Variants in ATXN7 observed in about 807,000 individuals in gnomAD.
ATXN7 encodes ataxin 7.
In ATXN7, 12 loss-of-function variants were observed where a neutral mutation model predicts 70.5. The ratio of observed to expected loss-of-function variants is 0.17; its 90% CI spans 0.11 to 0.28. The LOEUF is 0.28. Among genes scored for constraint, ATXN7 ranks in the 10% least tolerant of loss-of-function variants. The probability of loss-of-function intolerance (pLI) is 1.00; values close to 1 mark genes in which losing one functional copy is unlikely to be tolerated. For missense variants in ATXN7, 1,256 were observed against 1,131.7 expected (o/e 1.11, Z -1.58); for synonymous variants, 498 against 448.7 (o/e 1.11, Z -1.39).
rs1420384050 is a variant in ATXN7, at chr3:63,912,575, T to C, written c.-11-13T>C. The C allele has an allele frequency of 3.6e-6, 4 of 1,120,212 alleles. No individual in the cohort carries two copies. Among genetic ancestry groups the C allele is most frequent in the Non-Finnish European group, 4.4e-6 (4 of 903,234 alleles). 69.4% of individuals were successfully genotyped at this position (1,120,212 alleles called of 1,614,324 possible). On this transcript the variant is annotated splice_polypyrimidine_tract_variant and intron_variant, in intron 2 of 12. Coordinates refer to ENST00000674280, the MANE Select transcript of ATXN7 (RefSeq NM_001377405.1). ...CGCGCGACTCTTTCCCCCTTTTTTTTGTTACATTGTAGGAGCGGAAAGAAT... is the reference window on the plus strand; with the variant it reads ...CGCGCGACTCTTTCCCCCTTTTTTTCGTTACATTGTAGGAGCGGAAAGAAT...
At chr3:63,957,107 G>T (rs2075052709) in intron 5 of ATXN7, among the ~76,000 whole-genome samples, 1 of 152,226 alleles carries the variant, frequency 6.6e-6, no homozygotes, top group African/African-American at 2.4e-5. Flanking sequence ...TGTATACTGA[G>T]AGCTTCCCAG....
chr3:63,952,281 T>C, intron 4 of ATXN7, 98 bp from the exon 5 acceptor site: 1 of 778,250 alleles, frequency 1.3e-6, no homozygotes, highest in Non-Finnish European at 2.0e-6. Flanking sequence ...CCTGGTATAC[T>C]TTACAATAAG....
chr3:63,912,688 G>A lies in ATXN7; in HGVS notation c.90G>A (p.Gln30=). The part of the protein sequence containing the change: ...AGGAAAAAAR[Q]QQQQQQQQQP... ...GAGCAGCGGCCGCGGCCGCCCGGCA[G>A]CAGCAGCAGCAGCAGCAGCAGCAGC... Residue 30 remains glutamine, a synonymous_variant, in exon 3 of 13, where the codon CAG becomes CAA. Transcript: ENST00000674280. 2 of 1,093,748 alleles carry A rather than the reference G, an allele frequency of 1.8e-6. No homozygotes were observed. The highest frequency in any genetic ancestry group is 2.2e-6 in the Non-Finnish European group (2 of 894,840). 67.8% of individuals were successfully genotyped at this position (1,093,748 alleles called of 1,614,324 possible). A position where few individuals can be genotyped will look rare whatever the true frequency, so the allele number is the denominator to read the frequency against.
intron 6 of ATXN7, chr3:63,980,667 A>T (rs1417303748): frequency 6.2e-6 from 1 of 162,164 alleles, no homozygotes; most frequent in Non-Finnish European, 1.4e-5. Flanking sequence ...TATTTTAGTT[A>T]ATATATGTCT....
chr3:63,894,784 A>T (rs1293356124), intron 1 of ATXN7, among the ~76,000 whole-genome samples: 1 of 152,142 alleles, frequency 6.6e-6, no homozygotes, highest in Non-Finnish European at 1.5e-5. Flanking sequence ...TTGGCCTCCC[A>T]AAGTGCTAGG....
rs765685577 is a variant in ATXN7 at position 63,982,236 on chromosome 3, C to G, written c.803C>G (p.Thr268Arg). 2 of 1,614,140 alleles carry G rather than the reference C, an allele frequency of 1.2e-6. No individual in the cohort carries two copies. The highest frequency in any genetic ancestry group is 3.3e-5 in the Admixed American group (2 of 60,022). Residue 268 changes from threonine to arginine, a missense_variant, in exon 7 of 13, where the codon ACA becomes AGA. By Grantham distance (71) the Thr-to-Arg change is moderately conservative (BLOSUM62 -1). Transcript: ENST00000674280. ...VEKIHPKMDG[T>R]LLKSAVGPTC... ...AAGATTCATCCGAAAATGGATGGCA[C>G]ACTACTGAAATCTGCGGTGGGGCCA...
Position 63,864,002 on chromosome 3 carries a change from C to A in ATXN7, c.-267C>A. On this transcript the variant is annotated 5_prime_UTR_variant, in exon 1 of 13. Transcript: ENST00000674280. ...GCGGGACCCGCGCTCCCCGCGCTCC[C>A]GGTACTCCCCGGGGGCGGCCGCGGC... is the stretch of plus-strand genomic sequence containing the variant. 6.7e-6 allele frequency: 1 copy of A among 148,990 alleles called. No homozygotes were observed. Among genetic ancestry groups the A allele is most frequent in the South Asian group, 2.1e-4 (1 of 4,810 alleles). The allele number at this position is 148,990 out of a possible 1,614,324, so 9.2% of individuals were successfully genotyped here.
At chr3:63,996,852 C>T (rs1163597733) in intron 12 of ATXN7, among the ~76,000 whole-genome samples, 1 of 152,078 alleles carries the variant, frequency 6.6e-6, no homozygotes, top group African/African-American at 2.4e-5. Context: ...GTGTGCCATT[C>T]GAGGCTTTAA....
intron 2 of ATXN7, chr3:63,911,559 C>A (rs2107292208): frequency 6.6e-6 from 1 of 152,272 alleles, no homozygotes; most frequent in East Asian, 1.9e-4. Flanking sequence ...GAATGAATCA[C>A]TTCCAGAAAC....
At chr3:63,964,565 T>C (rs2075187687) in intron 5 of ATXN7, among the ~76,000 whole-genome samples, 1 of 152,198 alleles carries the variant, frequency 6.6e-6, no homozygotes, top group African/African-American at 2.4e-5. Context: ...TTGCCTGCCT[T>C]ACACACATGA....
chr3:63,878,224 T>C (rs144076238), intron 1 of ATXN7, among the ~76,000 whole-genome samples: 1 of 152,316 alleles, frequency 6.6e-6, no homozygotes, highest in East Asian at 1.9e-4. Context: ...AACTTGTTGG[T>C]ATTCAGTGTG....
chr3:63,889,920 T>C (rs1026397039), intron 1 of ATXN7, among the ~76,000 whole-genome samples: 1 of 152,242 alleles, frequency 6.6e-6, no homozygotes, highest in African/African-American at 2.4e-5. Context: ...AAAATCATCC[T>C]CTACTTACCA....
chr3:63,992,306 T>C (rs1357813144), intron 11 of ATXN7, among the ~76,000 whole-genome samples: 1 of 152,228 alleles, frequency 6.6e-6, no homozygotes, highest in African/African-American at 2.4e-5. Flanking sequence ...TGGTTCTTGC[T>C]GGATAAGAGG....
At chr3:63,927,090 G>A (rs772277773) in intron 4 of ATXN7, among the ~76,000 whole-genome samples, 15 of 152,206 alleles carry the variant, frequency 9.9e-5, no homozygotes, top group Non-Finnish European at 1.6e-4. Context: ...TTGGTTCCAA[G>A]TGTTGCTATT....
At chr3:63,922,431 C>T (rs1208581247) in intron 4 of ATXN7, among the ~76,000 whole-genome samples, 1 of 152,176 alleles carries the variant, frequency 6.6e-6, no homozygotes. Flanking sequence ...CTTTGACTTG[C>T]AGAGAGAAGC....
rs193922929 is a variant in ATXN7 at position 63,912,684 on chromosome 3, GGCAGCAGCAGCAGCAGCA to G, written c.101_118del (p.Gln34_Gln39del). Reference sequence around the variant, plus strand: ...GGCGGAGCAGCGGCCGCGGCCGCCCGGCAGCAGCAGCAGCAGCAGCAGCAGCAGCAGCCGCCGCCTCCG... The same window carrying G: ...GGCGGAGCAGCGGCCGCGGCCGCCCGGCAGCAGCAGCAGCCGCCGCCTCCG... On this transcript the variant is annotated inframe_deletion, in exon 3 of 13. Coordinates refer to ENST00000674280, the MANE Select transcript of ATXN7 (RefSeq NM_001377405.1). 9 of 1,087,150 alleles carry G rather than the reference GGCAGCAGCAGCAGCAGCA, an allele frequency of 8.3e-6. No homozygotes were observed. Among genetic ancestry groups the G allele is most frequent in the East Asian group, 7.0e-5 (1 of 14,380 alleles). The allele number at this position is 1,087,150 out of a possible 1,614,324, so 67.3% of individuals were successfully genotyped here. A position where few individuals can be genotyped will look rare whatever the true frequency, so the allele number is the denominator to read the frequency against.
At chr3:63,893,665 C>T (rs912881724) in intron 1 of ATXN7, among the ~76,000 whole-genome samples, 7 of 152,172 alleles carry the variant, frequency 4.6e-5, no homozygotes, top group Non-Finnish European at 7.3e-5. Context: ...TCAAGAAACC[C>T]AGGCCAGAGT....
intron 5 of ATXN7, among the ~76,000 whole-genome samples, chr3:63,955,625 A>G (rs1435828962): frequency 1.3e-5 from 2 of 152,162 alleles, no homozygotes; most frequent in African/African-American, 4.8e-5. Flanking sequence ...AATTTTTAGA[A>G]AGCCAGTTGT....
intron 5 of ATXN7, among the ~76,000 whole-genome samples, chr3:63,978,174 C>G (rs1409375012): frequency 2.0e-5 from 3 of 152,154 alleles, no homozygotes; most frequent in Non-Finnish European, 4.4e-5. Flanking sequence ...AGTCCACACC[C>G]CAAACGAATT....
Sources: gnomAD v4.1 joint callset for allele counts (sites outside exome capture counted in the v4.1 genomes callset) on GRCh38, gnomAD v4.1.1 for gene constraint, MANE v1.5 for transcripts, NCBI Gene and HGNC (gene_info 2026-07-23, HGNC 2026-07-21) for gene names.